CDK14: variants seen among roughly 807,000 people sequenced by gnomAD.
CDK14 encodes cyclin dependent kinase 14, also known as cyclin-dependent kinase 14.
CDK14 carries 34 observed loss-of-function variants against 60.7 expected under a neutral mutation model. The observed-to-expected ratio is 0.56, with a 90% confidence interval of 0.43 to 0.75. CDK14 has a LOEUF of 0.75. Among genes scored for constraint, CDK14 ranks in the 30% least tolerant of loss-of-function variants. The pLI is 0.00. For missense variants in CDK14, 482 were observed against 564.1 expected (o/e 0.85, Z 1.47); for synonymous variants, 197 against 203.7 (o/e 0.97, Z 0.28).
intron 5 of CDK14, among the ~76,000 whole-genome samples, chr7:90,827,377 A>C (rs965353195): frequency 6.6e-6 from 1 of 152,196 alleles, no homozygotes; most frequent in African/African-American, 2.4e-5. Context: ...GGTTGCTTCC[A>C]AGTTTTGCCA....
At chr7:91,162,509 T>C (rs1040447126) in intron 14 of CDK14, among the ~76,000 whole-genome samples, 2 of 152,052 alleles carry the variant, frequency 1.3e-5, no homozygotes, top group Middle Eastern at 3.4e-3. Context: ...CCGGGAAGGT[T>C]AGGGGAGGGA....
At chr7:90,941,245 T>G (rs2117509966) in intron 8 of CDK14, among the ~76,000 whole-genome samples, 1 of 152,296 alleles carries the variant, frequency 6.6e-6, no homozygotes, top group East Asian at 1.9e-4. Context: ...GAAGCATGGA[T>G]GCACCAAAGT....
At chr7:91,141,707 TCTTA>T (rs1800466300) in intron 14 of CDK14, among the ~76,000 whole-genome samples, 1 of 152,168 alleles carries the variant, frequency 6.6e-6, no homozygotes, top group South Asian at 2.1e-4. Flanking sequence ...AGTGTCTTTC[TCTTA>T]CTTTTCCAAA....
intron 12 of CDK14, among the ~76,000 whole-genome samples, chr7:91,102,931 A>G (rs1235416579): frequency 6.6e-6 from 1 of 152,178 alleles, no homozygotes; most frequent in African/African-American, 2.4e-5. Context: ...GTCATTTAGC[A>G]GATGTTGTGT....
chr7:91,105,454 A>G (rs1420375485), intron 12 of CDK14, among the ~76,000 whole-genome samples: 1 of 152,236 alleles, frequency 6.6e-6, no homozygotes, highest in Non-Finnish European at 1.5e-5. Context: ...AAAGTCTGAT[A>G]TGAGAATTTC....
At chr7:91,169,217 G>A (rs1801439512) in intron 14 of CDK14, among the ~76,000 whole-genome samples, 1 of 152,182 alleles carries the variant, frequency 6.6e-6, no homozygotes, top group African/African-American at 2.4e-5. Context: ...TAGACACCGA[G>A]TGACCTAATA....
chr7:90,643,770 C>T (rs1800399241), intron 2 of CDK14, among the ~76,000 whole-genome samples: 1 of 152,194 alleles, frequency 6.6e-6, no homozygotes, highest in Admixed American at 6.5e-5. Context: ...AAGCCAACAG[C>T]CCTACTCTGG....
At chr7:90,602,218 G>A (rs1799331327) in intron 1 of CDK14, among the ~76,000 whole-genome samples, 1 of 152,174 alleles carries the variant, frequency 6.6e-6, no homozygotes, top group Non-Finnish European at 1.5e-5. Context: ...AAAAGTTTGT[G>A]CCGTGAATTG....
intron 11 of CDK14, among the ~76,000 whole-genome samples, chr7:91,046,673 T>G (rs1797247429): frequency 1.3e-5 from 2 of 152,098 alleles, no homozygotes; most frequent in African/African-American, 4.8e-5. Context: ...TGTAAAATGA[T>G]TCTCTTGCTG....
chr7:91,201,463 G>A (rs1802720611), intron 14 of CDK14, among the ~76,000 whole-genome samples: 1 of 151,952 alleles, frequency 6.6e-6, no homozygotes, highest in Non-Finnish European at 1.5e-5. Context: ...AGGCTTAGAG[G>A]GGGAAAAAAT....
intron 2 of CDK14, among the ~76,000 whole-genome samples, chr7:90,667,435 C>T (rs1801005407): frequency 6.6e-6 from 1 of 152,122 alleles, no homozygotes; most frequent in Non-Finnish European, 1.5e-5. Flanking sequence ...CAGTCACTCC[C>T]CATTTTTTTC....
rs577273559 is a variant in CDK14 at position 90,962,612 on chromosome 7, A to G, written c.947+6795A>G. 2.6e-5 allele frequency among the ~76,000 whole-genome samples: 4 copies of G among 152,326 alleles called. No individual in the cohort carries two copies. In the East Asian group the frequency reaches 5.8e-4, roughly 22 times the overall value. On this transcript the variant is annotated intron_variant, in intron 9 of 14. Coordinates refer to ENST00000380050, the MANE Select transcript of CDK14 (RefSeq NM_001287135.2). ...GCATATGCTTGGTCATTTATTGGCA[A>G]TAAATTAGCTGAATGATAATATGTA...
intron 10 of CDK14, among the ~76,000 whole-genome samples, chr7:91,044,863 G>GA (rs1797189241): frequency 6.6e-6 from 1 of 152,128 alleles, no homozygotes; most frequent in Non-Finnish European, 1.5e-5. Context: ...CACATGGCTG[G>GA]AGCCTCCCTG....
At chr7:90,858,167 T>A (rs1790889834) in intron 5 of CDK14, among the ~76,000 whole-genome samples, 1 of 152,186 alleles carries the variant, frequency 6.6e-6, no homozygotes, top group Non-Finnish European at 1.5e-5. Context: ...GTCAAAAATA[T>A]AATATGAAAA....
intron 10 of CDK14, among the ~76,000 whole-genome samples, chr7:91,009,813 CA>C (rs1389731698): frequency 6.6e-6 from 1 of 152,024 alleles, no homozygotes; most frequent in African/African-American, 2.4e-5. Context: ...TTTTGAAGAG[CA>C]AGAGACATAA....
intron 2 of CDK14, among the ~76,000 whole-genome samples, chr7:90,685,627 T>C (rs1801415096): frequency 6.7e-6 from 1 of 150,000 alleles, no homozygotes; most frequent in African/African-American, 2.5e-5. Flanking sequence ...TACAAGTGCA[T>C]GCCATCTTGC....
chr7:90,643,393 A>G (rs1800386636), intron 2 of CDK14, among the ~76,000 whole-genome samples: 2 of 152,142 alleles, frequency 1.3e-5, no homozygotes, highest in Non-Finnish European at 2.9e-5. Flanking sequence ...TTTAAGACAA[A>G]TATTTCCTTT....
intron 4 of CDK14, among the ~76,000 whole-genome samples, chr7:90,783,072 TG>T (rs1468012030): frequency 6.6e-6 from 1 of 152,178 alleles, no homozygotes; most frequent in Non-Finnish European, 1.5e-5. Context: ...ATTGCTGAAA[TG>T]TACATAATTT....
intron 7 of CDK14, among the ~76,000 whole-genome samples, chr7:90,903,238 C>T (rs1019476338): frequency 2.6e-5 from 4 of 151,922 alleles, no homozygotes; most frequent in Admixed American, 6.6e-5. Context: ...GGTGTTTATC[C>T]AAAAGAAAGG....
Sources: gnomAD v4.1 joint callset for allele counts (sites outside exome capture counted in the v4.1 genomes callset) on GRCh38, gnomAD v4.1.1 for gene constraint, MANE v1.5 for transcripts, NCBI Gene and HGNC (gene_info 2026-07-23, HGNC 2026-07-21) for gene names.